The following BACH2 variants were observed in gnomAD, a reference collection of about 807,000 sequenced individuals.
BACH2 encodes BACH transcriptional regulator 2, also known as transcription regulator protein BACH2.
BACH2 carries 5 observed loss-of-function variants against 61.8 expected under a neutral mutation model. That is an observed-to-expected ratio of 0.08 (90% confidence interval 0.04 to 0.17). The LOEUF is 0.17. BACH2 is among the 10% of genes least tolerant of loss of function. The pLI is 1.00. For synonymous variants in BACH2, 446 were observed against 440.1 expected (o/e 1.01, Z -0.17); for missense variants, 824 against 1,091.1 (o/e 0.76, Z 3.45).
At chr6:90,189,458 A>G (rs1339759333) in intron 4 of BACH2, among the ~76,000 whole-genome samples, 1 of 151,324 alleles carries the variant, frequency 6.6e-6, no homozygotes, top group Non-Finnish European at 1.5e-5. Context: ...AATACAAAAA[A>G]TTAGCCGGGC....
At chr6:89,980,658 GAGA>G (rs1248959742) in intron 6 of BACH2, among the ~76,000 whole-genome samples, 1 of 152,184 alleles carries the variant, frequency 6.6e-6, no homozygotes, top group African/African-American at 2.4e-5. Flanking sequence ...ACATTCACCT[GAGA>G]AGACTTTGGG....
At chr6:90,153,560 A>G (rs2127830676) in intron 4 of BACH2, among the ~76,000 whole-genome samples, 1 of 152,338 alleles carries the variant, frequency 6.6e-6, no homozygotes, top group East Asian at 1.9e-4. Flanking sequence ...TAACAATTAG[A>G]AAAGAAACAC....
At chr6:90,111,736 T>C (rs1314441885) in intron 4 of BACH2, among the ~76,000 whole-genome samples, 1 of 152,254 alleles carries the variant, frequency 6.6e-6, no homozygotes, top group African/African-American at 2.4e-5. Flanking sequence ...CTCATCGTTC[T>C]CTGAAATGAT....
intron 6 of BACH2, among the ~76,000 whole-genome samples, chr6:89,997,528 T>G (rs1776915995): frequency 6.6e-6 from 1 of 152,198 alleles, no homozygotes; most frequent in South Asian, 2.1e-4. Flanking sequence ...CCACATAGAC[T>G]AAGGCATTCA....
chr6:90,110,801 C>T (rs374873260), intron 4 of BACH2, among the ~76,000 whole-genome samples: 13 of 152,160 alleles, frequency 8.5e-5, no homozygotes, highest in South Asian at 2.1e-4. Flanking sequence ...GTTCAGCTTG[C>T]GACTCAAACA....
chr6:90,133,368 C>T (rs74690946), intron 4 of BACH2, among the ~76,000 whole-genome samples: 290 of 152,266 alleles, frequency 1.9e-3, no homozygotes, highest in African/African-American at 6.7e-3. Context: ...GAATTGAGTA[C>T]ATCTGCTGCC....
chr6:90,022,454 C>T (rs1048464640), intron 5 of BACH2, among the ~76,000 whole-genome samples: 3 of 152,122 alleles, frequency 2.0e-5, no homozygotes, highest in African/African-American at 7.2e-5. Context: ...TATATTAGTG[C>T]ATGCCTGTAA....
intron 5 of BACH2, among the ~76,000 whole-genome samples, chr6:90,053,959 T>C (rs1286623128): frequency 1.3e-5 from 2 of 152,198 alleles, no homozygotes; most frequent in Admixed American, 6.5e-5. Flanking sequence ...GTATTTCTCA[T>C]TGAAAAATTC....
intron 5 of BACH2, among the ~76,000 whole-genome samples, chr6:90,087,022 C>T (rs1781961554): frequency 6.6e-6 from 1 of 152,152 alleles, no homozygotes; most frequent in South Asian, 2.1e-4. Context: ...CATTATAGAT[C>T]ACTTTTAACA....
At chr6:90,015,638 A>G (rs1429510249) in intron 5 of BACH2, among the ~76,000 whole-genome samples, 1 of 152,230 alleles carries the variant, frequency 6.6e-6, no homozygotes, top group East Asian at 1.9e-4. Flanking sequence ...AACAAACTTC[A>G]TATGACTTTA....
chr6:90,224,068 T>A (rs1219837036), intron 3 of BACH2, among the ~76,000 whole-genome samples: 1 of 152,246 alleles, frequency 6.6e-6, no homozygotes, highest in African/African-American at 2.4e-5. Context: ...CAGATTTGAA[T>A]TGTAAGGCAC....
chr6:90,291,424 A>G (rs950162150), intron 1 of BACH2, among the ~76,000 whole-genome samples: 2 of 152,056 alleles, frequency 1.3e-5, no homozygotes, highest in Admixed American at 1.3e-4. Flanking sequence ...TTCGCAGGAC[A>G]TTTCCAGCCT....
At chr6:90,098,801 C>T (rs1039811497) in intron 4 of BACH2, among the ~76,000 whole-genome samples, 1 of 152,166 alleles carries the variant, frequency 6.6e-6, no homozygotes, top group African/African-American at 2.4e-5. Flanking sequence ...GGATGAGAAA[C>T]GACTTGTTTC....
In BACH2 at chr6:90,015,251, T is replaced by A. The variant is rs142111451; in HGVS notation, c.-12-6395A>T. On this transcript the variant is annotated intron_variant, in intron 5 of 8. Transcript: ENST00000257749. ...ATAACTAGTTTTTGGTTAGTTTTTTTAAATTATTCTATTTTCTAGTTTGCT... is the reference window on the plus strand; with the variant it reads ...ATAACTAGTTTTTGGTTAGTTTTTTAAAATTATTCTATTTTCTAGTTTGCT... Among the ~76,000 whole-genome samples the A allele has an allele frequency of 5.1e-3, 774 of 152,304 alleles. 5 individuals are homozygous for A. Among genetic ancestry groups the A allele is most frequent in the African/African-American group, 0.017 (689 of 41,580 alleles).
chr6:90,056,841 T>C (rs1396021443), intron 5 of BACH2, among the ~76,000 whole-genome samples: 2 of 152,150 alleles, frequency 1.3e-5, no homozygotes, highest in Admixed American at 6.5e-5. Flanking sequence ...CTCAACTACA[T>C]GGAAACTGAA....
At chr6:90,179,088 A>G (rs1768070836) in intron 4 of BACH2, among the ~76,000 whole-genome samples, 1 of 152,196 alleles carries the variant, frequency 6.6e-6, no homozygotes, top group Non-Finnish European at 1.5e-5. Context: ...CATTGCCAGT[A>G]AGTTTGCAAA....
intron 4 of BACH2, among the ~76,000 whole-genome samples, chr6:90,164,574 T>A (rs7382038): frequency 0.035 from 5,325 of 152,216 alleles, 139 homozygotes; most frequent in East Asian, 0.089. Flanking sequence ...GAGGCCAGCA[T>A]CATCCTGATA....
At chr6:90,067,595 T>C (rs753754851) in intron 5 of BACH2, among the ~76,000 whole-genome samples, 15 of 152,170 alleles carry the variant, frequency 9.9e-5, no homozygotes, top group African/African-American at 2.7e-4. Context: ...GCTGGCCACA[T>C]TGGGAAACAG....
intron 1 of BACH2, among the ~76,000 whole-genome samples, chr6:90,296,225 A>T (rs945341994): frequency 2.0e-5 from 3 of 152,056 alleles, no homozygotes; most frequent in Admixed American, 1.3e-4. Flanking sequence ...CGGCCGCCGT[A>T]AACAGCCGGG....
Sources: gnomAD v4.1 joint callset for allele counts (sites outside exome capture counted in the v4.1 genomes callset) on GRCh38, gnomAD v4.1.1 for gene constraint, MANE v1.5 for transcripts, NCBI Gene and HGNC (gene_info 2026-07-23, HGNC 2026-07-21) for gene names.